Variants in RPH3A observed in about 807,000 individuals in gnomAD.
The protein encoded by RPH3A is rabphilin-3A.
RPH3A carries 48 observed loss-of-function variants against 102.2 expected under a neutral mutation model. The observed-to-expected ratio is 0.47, with a 90% confidence interval of 0.37 to 0.60. The LOEUF is 0.60. Among genes scored for constraint, RPH3A ranks in the 20% least tolerant of loss-of-function variants. The pLI, the probability that RPH3A is intolerant of heterozygous loss-of-function variation, is 0.00. For missense variants in RPH3A, 781 were observed against 910.1 expected (o/e 0.86, Z 1.83); for synonymous variants, 310 against 324.3 (o/e 0.96, Z 0.47).
chr12:112,588,227 T>A (rs77052307), intron 1 of RPH3A, among the ~76,000 whole-genome samples: 9,457 of 152,152 alleles, frequency 0.062, 417 homozygotes, highest in Middle Eastern at 0.16. Context: ...ACTGTGGAAA[T>A]GTAGATGTAT....
At chr12:112,617,977 C>G (rs1185679941) in intron 1 of RPH3A, 2 of 152,222 alleles carry the variant, frequency 1.3e-5, no homozygotes, top group Non-Finnish European at 2.9e-5. Flanking sequence ...TCCTTGATGT[C>G]AGTTCTACCT....
At chr12:112,639,067 C>T (rs565601200) in intron 1 of RPH3A, among the ~76,000 whole-genome samples, 1 of 152,248 alleles carries the variant, frequency 6.6e-6, no homozygotes, top group East Asian at 1.9e-4. Flanking sequence ...TGTATTTGGG[C>T]AATTGCCTCA....
intron 2 of RPH3A, among the ~76,000 whole-genome samples, chr12:112,817,328 T>A (rs2041692774): frequency 6.6e-6 from 1 of 152,088 alleles, no homozygotes. Flanking sequence ...ATGTTTCATG[T>A]CCATTGCAGC....
At chr12:112,619,246 CTGTGTGTGTGTGTGTGTGTGTG>C (rs60894997) in intron 1 of RPH3A, among the ~76,000 whole-genome samples, 10 of 125,448 alleles carry the variant, frequency 8.0e-5, no homozygotes, top group Middle Eastern at 3.8e-3. Context: ...TATGGTAATT[CTGTGTGTGTGTGTGTGTGTGTG>C]TGTGTGTGTG....
chr12:112,795,157 T>C (rs983708948), intron 2 of RPH3A, among the ~76,000 whole-genome samples: 3 of 152,228 alleles, frequency 2.0e-5, no homozygotes, highest in African/African-American at 7.2e-5. Flanking sequence ...ATGCTTTAAC[T>C]CTTTCCCTCT....
intron 2 of RPH3A, among the ~76,000 whole-genome samples, chr12:112,817,364 C>G (rs1304611179): frequency 6.6e-6 from 1 of 152,058 alleles, no homozygotes; most frequent in East Asian, 1.9e-4. Flanking sequence ...ACTCACTTCC[C>G]CATCCGTTCC....
chr12:112,739,317 A>T (rs1234760191), intron 1 of RPH3A, among the ~76,000 whole-genome samples: 1 of 152,194 alleles, frequency 6.6e-6, no homozygotes, highest in Non-Finnish European at 1.5e-5. Context: ...TAAATTTTAG[A>T]TCAACTTTGT....
intron 4 of RPH3A, among the ~76,000 whole-genome samples, chr12:112,838,343 C>T (rs925506090): frequency 3.9e-5 from 6 of 152,256 alleles, no homozygotes; most frequent in South Asian, 2.1e-4. Flanking sequence ...CCCCAGGTCC[C>T]GTTGGCATTC....
At chr12:112,794,832 C>A (rs914699395) in intron 2 of RPH3A, among the ~76,000 whole-genome samples, 3 of 152,212 alleles carry the variant, frequency 2.0e-5, no homozygotes, top group African/African-American at 7.2e-5. Flanking sequence ...TCACTCCTGG[C>A]TCCAGCAGCC....
chr12:112,756,410 C>T (rs753651826), intron 1 of RPH3A, among the ~76,000 whole-genome samples: 1 of 152,162 alleles, frequency 6.6e-6, no homozygotes, highest in South Asian at 2.1e-4. Flanking sequence ...CAGGGTTTCA[C>T]TTTGTTGGTC....
chr12:112,724,971 A>G (rs1488589675), intron 1 of RPH3A, among the ~76,000 whole-genome samples: 1 of 149,520 alleles, frequency 6.7e-6, no homozygotes, highest in South Asian at 2.1e-4. Flanking sequence ...CTGCCTAAAA[A>G]AAAAAATTGG....
chr12:112,855,995 T>C (rs1201083096), intron 5 of RPH3A, among the ~76,000 whole-genome samples: 1 of 152,146 alleles, frequency 6.6e-6, no homozygotes, highest in Non-Finnish European at 1.5e-5. Flanking sequence ...CCCACTTTGC[T>C]GCGTTTTTCT....
At chr12:112,611,001 T>C (rs1354788422) in intron 1 of RPH3A, among the ~76,000 whole-genome samples, 1 of 152,228 alleles carries the variant, frequency 6.6e-6, no homozygotes, top group Non-Finnish European at 1.5e-5. Context: ...GAATGTAAAT[T>C]CTTTGAGGAC....
At chr12:112,836,452 T>G in intron 3 of RPH3A, 39 bp from the exon 4 acceptor site, 1 of 1,270,950 alleles carries the variant, frequency 7.9e-7, no homozygotes. Context: ...CCTAACTTTA[T>G]TCATTTTTTC....
At chr12:112,781,915 T>A (rs1368450853) in intron 1 of RPH3A, among the ~76,000 whole-genome samples, 1 of 152,260 alleles carries the variant, frequency 6.6e-6, no homozygotes, top group Non-Finnish European at 1.5e-5. Flanking sequence ...AATCCCTTAG[T>A]TACTGACATA....
chr12:112,854,178 GT>G (rs1009691764), intron 5 of RPH3A, among the ~76,000 whole-genome samples: 3 of 152,182 alleles, frequency 2.0e-5, no homozygotes, highest in Non-Finnish European at 4.4e-5. Context: ...AAGATGCCTG[GT>G]TTAATTCCCT....
chr12:112,759,194 C>A (rs771060051), intron 1 of RPH3A, among the ~76,000 whole-genome samples: 1 of 152,204 alleles, frequency 6.6e-6, no homozygotes, highest in African/African-American at 2.4e-5. Context: ...AAAAATAAGT[C>A]TTGAATCCTC....
At chr12:112,798,556 G>T (rs2041278692) in intron 2 of RPH3A, among the ~76,000 whole-genome samples, 1 of 152,204 alleles carries the variant, frequency 6.6e-6, no homozygotes, top group Non-Finnish European at 1.5e-5. Flanking sequence ...GCAGAGAAGA[G>T]AGATGGTTTC....
intron 1 of RPH3A, among the ~76,000 whole-genome samples, chr12:112,736,878 GGC>G (rs2040673314): frequency 1.3e-5 from 2 of 152,134 alleles, no homozygotes; most frequent in African/African-American, 4.8e-5. Flanking sequence ...CTTCTGGCCG[GGC>G]ACAGTGGCTC....
Sources: gnomAD v4.1 joint callset for allele counts (sites outside exome capture counted in the v4.1 genomes callset) on GRCh38, gnomAD v4.1.1 for gene constraint, MANE v1.5 for transcripts, NCBI Gene and HGNC (gene_info 2026-07-23, HGNC 2026-07-21) for gene names.